The following WDR43 variants were observed in gnomAD, a reference collection of about 807,000 sequenced individuals.
The protein encoded by WDR43 is WD repeat-containing protein 43.
A neutral mutation model predicts 91.4 loss-of-function variants in WDR43; 13 were observed. The ratio of observed to expected loss-of-function variants is 0.14; its 90% CI spans 0.09 to 0.23. WDR43 has a LOEUF of 0.23. Among genes scored for constraint, WDR43 ranks in the 10% least tolerant of loss-of-function variants. The pLI, the probability that WDR43 is intolerant of heterozygous loss-of-function variation, is 1.00. For synonymous variants in WDR43, 331 were observed against 287.9 expected (o/e 1.15, Z -1.51); for missense variants, 780 against 809.4 (o/e 0.96, Z 0.44).
At chr2:28,926,796 A>G (rs923040160) in intron 9 of WDR43, among the ~76,000 whole-genome samples, 5 of 152,178 alleles carry the variant, frequency 3.3e-5, no homozygotes, top group Admixed American at 6.5e-5. Context: ...CCTGCCCACC[A>G]TGCATGATCA....
At chr2:28,919,617 C>T (rs1670982526) in intron 6 of WDR43, among the ~76,000 whole-genome samples, 1 of 151,828 alleles carries the variant, frequency 6.6e-6, no homozygotes, top group African/African-American at 2.4e-5. Context: ...GATAGTGCCA[C>T]TGCACTCCAG....
intron 10 of WDR43, 106 bp from the exon 11 acceptor site, chr2:28,929,473 G>A: frequency 9.3e-7 from 1 of 1,070,954 alleles, no homozygotes; most frequent in African/African-American, 1.6e-5. Flanking sequence ...TGTTTTCTAG[G>A]GTTGAGGTGT....
chr2:28,906,339 G>C, intron 2 of WDR43, 121 bp from the exon 3 acceptor site: 5 of 956,494 alleles, frequency 5.2e-6, no homozygotes. Context: ...ATCCACGTGT[G>C]GGCCAGGAGC....
At chr2:28,936,756 G>C (rs902679279) in intron 12 of WDR43, among the ~76,000 whole-genome samples, 166 bp from the exon 13 acceptor site, 2 of 152,042 alleles carry the variant, frequency 1.3e-5, no homozygotes, top group African/African-American at 4.8e-5. Context: ...ACTTTTATCA[G>C]CTAATTACTC....
chr2:28,936,733 A>G (rs1250106456), intron 12 of WDR43, among the ~76,000 whole-genome samples, 189 bp from the exon 13 acceptor site: 1 of 152,154 alleles, frequency 6.6e-6, no homozygotes, highest in Non-Finnish European at 1.5e-5. Flanking sequence ...CCTTCATATA[A>G]GTCCTATCCT....
At chr2:28,941,721 A>G in intron 15 of WDR43, 147 bp downstream of exon 15, 2 of 612,630 alleles carry the variant, frequency 3.3e-6, no homozygotes, top group South Asian at 4.1e-5. Context: ...GCCTCGCTCA[A>G]GTGCCTCCCA....
Position 28,894,742 on chromosome 2 carries a change from C to T in WDR43, c.44C>T (p.Ala15Val). Reference protein sequence around the residue: ...GGGSCDPLAPAGVPCAFSPHS... With the variant: ...GGGSCDPLAPVGVPCAFSPHS... Reference sequence around the variant, plus strand: ...GGTAGCTGCGACCCCCTGGCCCCTGCTGGGGTCCCTTGCGCCTTCTCCCCG... The same window carrying T: ...GGTAGCTGCGACCCCCTGGCCCCTGTTGGGGTCCCTTGCGCCTTCTCCCCG... Residue 15 changes from alanine to valine, a missense_variant, in exon 1 of 18, where the codon GCT (alanine) becomes GTT (valine). Ala to Val is a moderately conservative substitution (Grantham distance 64, BLOSUM62 0). Coordinates refer to ENST00000407426, the MANE Select transcript of WDR43 (RefSeq NM_015131.3). 2 of 1,591,364 alleles carry T rather than the reference C, an allele frequency of 1.3e-6. No homozygotes were observed. The highest frequency in any genetic ancestry group is 8.5e-7 in the Non-Finnish European group (1 of 1,169,770).
chr2:28,926,409 T>G, intron 8 of WDR43, 59 bp from the exon 9 acceptor site: 1 of 1,302,894 alleles, frequency 7.7e-7, no homozygotes, highest in Middle Eastern at 2.2e-4. Context: ...TTGCTTTGTT[T>G]GACACTCTTT....
At chr2:28,929,784 A>G in intron 11 of WDR43, 74 bp downstream of exon 11, 1 of 1,460,784 alleles carries the variant, frequency 6.8e-7, no homozygotes, top group Non-Finnish European at 9.4e-7. Flanking sequence ...TAGCACATTC[A>G]CAGCTGTGAG....
At chr2:28,944,114 TCTTCATATAGTTC>T (rs1358266212) in intron 16 of WDR43, among the ~76,000 whole-genome samples, 1 of 152,178 alleles carries the variant, frequency 6.6e-6, no homozygotes, top group African/African-American at 2.4e-5. Context: ...GGCTAGATTT[TCTTCATATAGTTC>T]AAATAAAACA....
intron 2 of WDR43, among the ~76,000 whole-genome samples, chr2:28,903,583 C>T (rs1402323276): frequency 1.3e-5 from 2 of 152,162 alleles, no homozygotes; most frequent in Admixed American, 6.5e-5. Context: ...TAATACTCAA[C>T]TATAAATGAA....
rs1208148240 is a variant in WDR43, at chr2:28,922,926, A to G, written c.857A>G (p.Lys286Arg). ...TLSENKEEPV[K>R]LAVVCRDGQV... ...GTTACATTTTTCTTTTAGCCTGTCA[A>G]GTTGGCTGTTGTTTGCAGAGATGGT... The change falls in exon 7 of 18, where the codon AAG becomes AGG. Residue 286 changes from lysine to arginine, a missense_variant. By Grantham distance (26) the Lys-to-Arg change is conservative. This residue lies in a region of WDR43 where 426 missense variants were observed against 467.8 expected (regional missense o/e 0.91). Coordinates refer to ENST00000407426, the MANE Select transcript of WDR43 (RefSeq NM_015131.3). The G allele has an allele frequency of 2.5e-6, 4 of 1,612,170 alleles. No individual in the cohort carries two copies. Among genetic ancestry groups the G allele is most frequent in the African/African-American group, 2.7e-5 (2 of 74,726 alleles).
At chr2:28,899,533 G>T (rs1440955705) in intron 1 of WDR43, among the ~76,000 whole-genome samples, 1 of 152,154 alleles carries the variant, frequency 6.6e-6, no homozygotes, top group Non-Finnish European at 1.5e-5. Context: ...AGAGAAGGTG[G>T]GTTGAAGGCA....
At chr2:28,903,971 AT>A (rs1253401653) in intron 2 of WDR43, among the ~76,000 whole-genome samples, 1 of 151,922 alleles carries the variant, frequency 6.6e-6, no homozygotes, top group Non-Finnish European at 1.5e-5. Flanking sequence ...TAGCTGGCTC[AT>A]TTTTGTATTT....
intron 8 of WDR43, among the ~76,000 whole-genome samples, chr2:28,926,232 A>G (rs1250604761): frequency 6.6e-6 from 1 of 152,242 alleles, no homozygotes; most frequent in Non-Finnish European, 1.5e-5. Context: ...AGCTGAGGAA[A>G]GTAAACCTTG....
chr2:28,942,340 C>T lies in WDR43; in HGVS notation c.1763C>T (p.Ala588Val). 6.2e-7 allele frequency: 1 copy of T among 1,613,384 alleles called. No individual in the cohort carries two copies. Among genetic ancestry groups the T allele is most frequent in the African/African-American group, 1.3e-5 (1 of 74,998 alleles). The change falls in exon 16 of 18, where the codon GCA becomes GTA. Residue 588 changes from alanine (A) to valine (V), a missense_variant. Physicochemically the swap from Ala to Val is moderately conservative, Grantham distance 64. Transcript: ENST00000407426. ...ACAGCATCAGAGAAGACAAAGGGAG[C>T]AACTTCCCCTGGACAGAAGGCAAAG... ...QVTASEKTKG[A>V]TSPGQKAKLV...
chr2:28,918,567 C>T (rs1456407060), intron 6 of WDR43, among the ~76,000 whole-genome samples: 1 of 151,916 alleles, frequency 6.6e-6, no homozygotes, highest in Admixed American at 6.6e-5. Flanking sequence ...TGGGGTTTCT[C>T]CATTTTGGTC....
chr2:28,927,289 G>A, intron 9 of WDR43: 1 of 448,566 alleles, frequency 2.2e-6, no homozygotes, highest in Non-Finnish European at 4.2e-6. Context: ...ACCAACGTTA[G>A]TGACACTAAA....
At chr2:28,922,054 A>C (rs928894518) in intron 6 of WDR43, among the ~76,000 whole-genome samples, 6 of 152,202 alleles carry the variant, frequency 3.9e-5, no homozygotes, top group Admixed American at 3.3e-4. Flanking sequence ...AGAAAGAATG[A>C]AATTTTCTTT....
Sources: allele counts gnomAD v4.1 joint callset (sites outside exome capture counted in the v4.1 genomes callset), GRCh38; gene constraint gnomAD v4.1.1; regional missense constraint gnomAD v4.1.1; transcripts MANE v1.5; gene names NCBI Gene and HGNC (gene_info 2026-07-23, HGNC 2026-07-21).